The following RANBP2 variants were observed in gnomAD, a reference collection of about 807,000 sequenced individuals.
RANBP2 encodes the protein E3 SUMO-protein ligase RanBP2.
In RANBP2, 57 loss-of-function variants were observed where a neutral mutation model predicts 303.6. The ratio of observed to expected loss-of-function variants is 0.19; its 90% CI spans 0.15 to 0.23. The LOEUF (loss-of-function observed/expected upper bound fraction) is 0.23. Among genes scored for constraint, RANBP2 ranks in the 10% least tolerant of loss-of-function variants. The pLI, the probability that RANBP2 is intolerant of heterozygous loss-of-function variation, is 1.00. For missense variants in RANBP2, 3,138 were observed against 3,780.8 expected (o/e 0.83, Z 4.46); for synonymous variants, 1,167 against 1,301.5 (o/e 0.90, Z 2.23).
chr2:108,745,075 TTAAAACCAGGGTCC>T (rs1392222787), intron 7 of RANBP2, among the ~76,000 whole-genome samples: 8 of 151,988 alleles, frequency 5.3e-5, no homozygotes, highest in Middle Eastern at 6.8e-3. Flanking sequence ...TTTGGAGTTT[TTAAAACCAGGGTCC>T]TAAAACCAGG....
At chr2:109,624,971 C>T in the RANBP2 span, among the ~76,000 whole-genome samples, 155 of 151,236 alleles carry the variant, frequency 1.0e-3, 1 homozygote, top group African/African-American at 3.6e-3. Flanking sequence ...ATCCCAGCTA[C>T]TTGGGAAGCT....
the RANBP2 span, among the ~76,000 whole-genome samples, chr2:109,340,869 C>T: frequency 6.6e-6 from 1 of 151,960 alleles, no homozygotes; most frequent in Non-Finnish European, 1.5e-5. Context: ...AACAGGGAAA[C>T]AGGCCACAAC....
chr2:108,786,697 C>T (rs1678802399), downstream of RANBP2: 1 of 916,704 alleles, frequency 1.1e-6, no homozygotes, highest in Non-Finnish European at 1.7e-6. Context: ...CCGCCCCGCC[C>T]TTTCCCTGCC....
the RANBP2 span, among the ~76,000 whole-genome samples, chr2:109,713,839 A>G: frequency 6.6e-6 from 1 of 152,142 alleles, no homozygotes; most frequent in African/African-American, 2.4e-5. Context: ...TCCTAAGATC[A>G]CTCTGTTTTT....
chr2:109,034,733 A>T, the RANBP2 span, among the ~76,000 whole-genome samples: 1 of 152,106 alleles, frequency 6.6e-6, no homozygotes, highest in Admixed American at 6.5e-5. Context: ...GGGGGGTGGT[A>T]CCCCATTCTT....
the RANBP2 span, among the ~76,000 whole-genome samples, chr2:109,664,113 T>C: frequency 6.6e-6 from 1 of 152,344 alleles, no homozygotes; most frequent in East Asian, 1.9e-4. Context: ...TAATTACATT[T>C]ACTCCTCTTC....
At chr2:109,240,032 G>GT in the RANBP2 span, among the ~76,000 whole-genome samples, 1 of 152,188 alleles carries the variant, frequency 6.6e-6, no homozygotes. Flanking sequence ...GTCTGTAGTG[G>GT]TGGCCGGGGC....
At position 108,740,531 on chromosome 2, in the gene RANBP2, T is replaced by G; in HGVS notation, c.825T>G (p.Asn275Lys). Reference sequence around the variant, plus strand: ...AGTCTGTGAAATCTTTGGGTGGAAATGATGAACTGTCAGCTACTTTCTTAG... The same window carrying G: ...AGTCTGTGAAATCTTTGGGTGGAAAGGATGAACTGTCAGCTACTTTCTTAG... ...ALQSVKSLGG[N>K]DELSATFLEM... The change falls in exon 7 of 29, where the codon AAT (asparagine) becomes AAG (lysine). Residue 275 changes from asparagine (N) to lysine (K), a missense_variant. This residue lies in a region of RANBP2 where 306 missense variants were observed against 381.9 expected (regional missense o/e 0.80). Coordinates refer to ENST00000283195, the MANE Select transcript of RANBP2 (RefSeq NM_006267.5). 2 of 1,597,548 alleles carry G rather than the reference T, an allele frequency of 1.3e-6. No individual in the cohort carries two copies. Among genetic ancestry groups the G allele is most frequent in the Non-Finnish European group, 8.5e-7 (1 of 1,179,766 alleles).
At chr2:109,015,226 C>A in the RANBP2 span, among the ~76,000 whole-genome samples, 1 of 147,022 alleles carries the variant, frequency 6.8e-6, no homozygotes, top group Non-Finnish European at 1.5e-5. Context: ...CCTTGAACAA[C>A]CTGGGTTTGA....
At chr2:109,360,244 A>G in the RANBP2 span, among the ~76,000 whole-genome samples, 8 of 152,198 alleles carry the variant, frequency 5.3e-5, no homozygotes, top group Non-Finnish European at 1.5e-5. Context: ...TGTATTAATA[A>G]TATGTCATAT....
the RANBP2 span, among the ~76,000 whole-genome samples, chr2:109,575,135 G>T: frequency 6.6e-6 from 1 of 152,174 alleles, no homozygotes; most frequent in Non-Finnish European, 1.5e-5. Context: ...AAATGGTATT[G>T]AATTTACACT....
chr2:109,114,147 C>T, the RANBP2 span, among the ~76,000 whole-genome samples: 3 of 152,180 alleles, frequency 2.0e-5, no homozygotes, highest in Admixed American at 2.0e-4. Flanking sequence ...ATGCTGGCCT[C>T]ATAAAATGAG....
chr2:109,312,558 A>T, the RANBP2 span, among the ~76,000 whole-genome samples: 2,736 of 151,838 alleles, frequency 0.018, 92 homozygotes, highest in African/African-American at 0.063. Context: ...GCCCCAGGCC[A>T]CCACAACCTG....
the RANBP2 span, among the ~76,000 whole-genome samples, chr2:108,809,188 T>C: frequency 6.6e-6 from 1 of 152,234 alleles, no homozygotes; most frequent in Non-Finnish European, 1.5e-5. Flanking sequence ...TCTGTTTTTA[T>C]GCCAATACTA....
chr2:109,100,595 G>A, the RANBP2 span, among the ~76,000 whole-genome samples: 4 of 152,202 alleles, frequency 2.6e-5, no homozygotes, highest in Non-Finnish European at 5.9e-5. Flanking sequence ...CAAAGGTGAC[G>A]GTAGTGGACC....
chr2:108,752,062 T>G (rs1675927085), intron 12 of RANBP2, 68 bp downstream of exon 12: 4 of 1,601,834 alleles, frequency 2.5e-6, no homozygotes, highest in African/African-American at 1.4e-5. Flanking sequence ...GAACTTTTTA[T>G]TGAAAGTTTT....
the RANBP2 span, among the ~76,000 whole-genome samples, chr2:109,141,071 T>G: frequency 1.3e-5 from 2 of 152,214 alleles, no homozygotes; most frequent in Non-Finnish European, 2.9e-5. Context: ...AAGGGATCAA[T>G]GCTATGCTGG....
chr2:108,772,840 G>C (rs370617042), intron 22 of RANBP2, 28 bp from the exon 23 acceptor site: 1 of 1,609,458 alleles, frequency 6.2e-7, no homozygotes, highest in Admixed American at 1.7e-5. Context: ...ATCTAATTTC[G>C]TTTGCTTGTG....
chr2:109,651,102 T>A, the RANBP2 span, among the ~76,000 whole-genome samples: 1 of 152,036 alleles, frequency 6.6e-6, no homozygotes, highest in African/African-American at 2.4e-5. Flanking sequence ...AACTTCTCCT[T>A]CATACATCCT....
Sources: gnomAD v4.1 joint callset for allele counts (sites outside exome capture counted in the v4.1 genomes callset) on GRCh38, gnomAD v4.1.1 for gene constraint, gnomAD v4.1.1 regional missense constraint, MANE v1.5 for transcripts, NCBI Gene and HGNC (gene_info 2026-07-23, HGNC 2026-07-21) for gene names.